The following ADAMTSL1 variants were observed in gnomAD, a reference collection of about 807,000 sequenced individuals.
ADAMTSL1 encodes ADAMTS like 1.
Under a neutral mutation model 201.8 loss-of-function variants are expected in ADAMTSL1, and 126 were observed. That is an observed-to-expected ratio of 0.62 (90% confidence interval 0.54 to 0.72). The LOEUF is 0.72. Among genes scored for constraint, ADAMTSL1 ranks in the 30% least tolerant of loss-of-function variants. The probability of loss-of-function intolerance (pLI) is 0.00; values close to 1 mark genes in which losing one functional copy is unlikely to be tolerated. For synonymous variants in ADAMTSL1, 1,121 were observed against 903.4 expected, an observed-to-expected ratio of 1.24 and a Z score of -4.32; for missense variants, 2,679 against 2,277.8, an observed-to-expected ratio of 1.18 and a Z score of -3.59.
At chr9:18,843,345 G>T (rs1825857442) in intron 23 of ADAMTSL1, among the ~76,000 whole-genome samples, 1 of 150,942 alleles carries the variant, frequency 6.6e-6, no homozygotes. Context: ...TTTTCTTTAA[G>T]AATGTTGAAT....
chr9:18,741,109 A>T (rs1818800350), intron 15 of ADAMTSL1, among the ~76,000 whole-genome samples: 2 of 152,178 alleles, frequency 1.3e-5, no homozygotes, highest in Non-Finnish European at 2.9e-5. Flanking sequence ...AAAGCCTGGC[A>T]CACAAAAAGT....
intron 2 of ADAMTSL1, among the ~76,000 whole-genome samples, chr9:18,380,766 C>T (rs1837522932): frequency 1.3e-5 from 2 of 152,206 alleles, no homozygotes; most frequent in Non-Finnish European, 2.9e-5. Context: ...ATGTTTTTCT[C>T]ATTAAGGCTG....
rs1768649637 is a variant in ADAMTSL1 at position 18,161,186 on chromosome 9, T to C, written c.88-2676T>C. Among the ~76,000 whole-genome samples, 2 of 151,972 alleles carry C rather than the reference T, an allele frequency of 1.3e-5. 1 individual carries two copies. The highest frequency in any genetic ancestry group is 4.1e-4 in the South Asian group (2 of 4,836). ...AAAATTAAAGTATAAATAGACAAAA[T>C]GTTGGCTGTTTATTCTTCATTGTTA... On this transcript the variant is annotated intron_variant, in intron 1 of 29. Coordinates refer to the ADAMTSL1 transcript ENST00000680146.
chr9:18,118,420 T>C (rs1442651398), intron 1 of ADAMTSL1, among the ~76,000 whole-genome samples: 1 of 152,172 alleles, frequency 6.6e-6, no homozygotes, highest in Non-Finnish European at 1.5e-5. Context: ...CCACCTTGTT[T>C]GAATATTCAG....
intron 2 of ADAMTSL1, among the ~76,000 whole-genome samples, chr9:18,184,363 C>A (rs1431794834): frequency 2.0e-5 from 3 of 152,144 alleles, no homozygotes; most frequent in Non-Finnish European, 1.5e-5. Context: ...AAGGAAATAT[C>A]AATTTTTCTC....
At chr9:18,227,181 A>G (rs1167572469) in intron 2 of ADAMTSL1, among the ~76,000 whole-genome samples, 1 of 151,974 alleles carries the variant, frequency 6.6e-6, no homozygotes, top group Non-Finnish European at 1.5e-5. Flanking sequence ...TTCTCCTCTA[A>G]TCCCTCATCT....
At chr9:18,430,303 A>T (rs979508854) in intron 2 of ADAMTSL1, among the ~76,000 whole-genome samples, 2 of 152,042 alleles carry the variant, frequency 1.3e-5, no homozygotes, top group Non-Finnish European at 2.9e-5. Context: ...CAACAGTATT[A>T]TTTTTCTGTG....
intron 4 of ADAMTSL1, among the ~76,000 whole-genome samples, chr9:18,580,752 G>A (rs991262054): frequency 2.0e-5 from 3 of 151,996 alleles, no homozygotes; most frequent in Non-Finnish European, 4.4e-5. Context: ...TTTTACTTAG[G>A]AATTAACAGT....
chr9:18,650,008 G>A (rs988203146), intron 7 of ADAMTSL1, among the ~76,000 whole-genome samples: 5 of 152,228 alleles, frequency 3.3e-5, no homozygotes, highest in Non-Finnish European at 7.3e-5. Flanking sequence ...AGCCTACAGA[G>A]GCAGGCAGGC....
intron 2 of ADAMTSL1, among the ~76,000 whole-genome samples, chr9:18,273,061 T>C (rs1325217235): frequency 6.6e-6 from 1 of 152,138 alleles, no homozygotes; most frequent in Non-Finnish European, 1.5e-5. Flanking sequence ...TGCAGAAGGA[T>C]GGTTGCAGGG....
intron 14 of ADAMTSL1, among the ~76,000 whole-genome samples, chr9:18,719,329 T>C (rs1255212092): frequency 1.3e-5 from 2 of 152,172 alleles, no homozygotes; most frequent in African/African-American, 4.8e-5. Context: ...AATATTGTGA[T>C]TCTTTTTTTA....
chr9:18,888,610 C>G (rs544668374), intron 24 of ADAMTSL1, among the ~76,000 whole-genome samples: 4 of 152,310 alleles, frequency 2.6e-5, no homozygotes, highest in African/African-American at 7.2e-5. Context: ...TGGGTGGGGC[C>G]TGGCCTTCAC....
intron 19 of ADAMTSL1, among the ~76,000 whole-genome samples, chr9:18,789,280 A>G (rs1371390608): frequency 6.6e-6 from 1 of 152,222 alleles, no homozygotes. Context: ...TCCTTTAAAT[A>G]CATTAGCTTA....
intron 1 of ADAMTSL1, among the ~76,000 whole-genome samples, chr9:18,115,399 G>A (rs1398172716): frequency 6.6e-6 from 1 of 152,110 alleles, no homozygotes; most frequent in Non-Finnish European, 1.5e-5. Context: ...CCTCAGAGAT[G>A]AGCTTTAGAG....
At chr9:18,430,862 G>A (rs1359796753) in intron 2 of ADAMTSL1, among the ~76,000 whole-genome samples, 3 of 152,172 alleles carry the variant, frequency 2.0e-5, no homozygotes, top group East Asian at 3.8e-4. Context: ...ACTTTTAATT[G>A]GGCAGGAAGT....
At chr9:18,048,378 A>T (rs17188223) in intron 1 of ADAMTSL1, among the ~76,000 whole-genome samples, 8,003 of 152,238 alleles carry the variant, frequency 0.053, 279 homozygotes, top group Non-Finnish European at 0.076. Context: ...GCACATTGTC[A>T]CTGTTGTGTC....
At chr9:18,424,724 G>A (rs1382461755) in intron 2 of ADAMTSL1, among the ~76,000 whole-genome samples, 1 of 152,126 alleles carries the variant, frequency 6.6e-6, no homozygotes, top group Admixed American at 6.5e-5. Context: ...TTACTTTCAT[G>A]GAGCCATTCA....
chr9:18,667,980 C>T (rs1415787280), intron 9 of ADAMTSL1, among the ~76,000 whole-genome samples: 1 of 151,986 alleles, frequency 6.6e-6, no homozygotes, highest in Non-Finnish European at 1.5e-5. Context: ...CTCTACTTTA[C>T]CAGCTGTGAG....
intron 1 of ADAMTSL1, among the ~76,000 whole-genome samples, chr9:17,998,455 C>G (rs1819475634): frequency 6.6e-6 from 1 of 151,882 alleles, no homozygotes; most frequent in Non-Finnish European, 1.5e-5. Flanking sequence ...TCGATGATAC[C>G]AAGCAAAGTG....
Sources: gnomAD v4.1 joint callset for allele counts (sites outside exome capture counted in the v4.1 genomes callset) on GRCh38, gnomAD v4.1.1 for gene constraint, MANE v1.5 for transcripts, NCBI Gene and HGNC (gene_info 2026-07-23, HGNC 2026-07-21) for gene names.